KCNMB2: variants seen among roughly 807,000 people sequenced by gnomAD.
KCNMB2 encodes calcium-activated potassium channel subunit beta-2.
A neutral mutation model predicts 24.5 loss-of-function variants in KCNMB2; 9 were observed. That is an observed-to-expected ratio of 0.37 (90% confidence interval 0.22 to 0.64). The LOEUF (loss-of-function observed/expected upper bound fraction) is 0.64, where lower values mean the gene tolerates loss of function less well. KCNMB2 is among the 30% of genes least tolerant of loss of function. KCNMB2 has a pLI of 0.63. For synonymous variants in KCNMB2, 109 were observed against 104.4 expected, an observed-to-expected ratio of 1.04 and a Z score of -0.27; for missense variants, 226 against 284.3, an observed-to-expected ratio of 0.79 and a Z score of 1.47.
intron 1 of KCNMB2, among the ~76,000 whole-genome samples, chr3:178,790,068 C>T (rs1225669780): frequency 6.6e-6 from 1 of 151,748 alleles, no homozygotes; most frequent in African/African-American, 2.4e-5. Context: ...GATACCAGCC[C>T]AACCACAGTG....
At chr3:178,635,914 G>T (rs574418520) in intron 1 of KCNMB2, among the ~76,000 whole-genome samples, 23 of 152,226 alleles carry the variant, frequency 1.5e-4, no homozygotes, top group Middle Eastern at 3.4e-3. Context: ...AAACAAAATG[G>T]TTATTAACCA....
intron 1 of KCNMB2, among the ~76,000 whole-genome samples, chr3:178,693,397 ACT>A (rs1721754429): frequency 6.6e-6 from 1 of 151,754 alleles, no homozygotes; most frequent in East Asian, 1.9e-4. Context: ...TGTTTATATG[ACT>A]CTTATAATTT....
intron 1 of KCNMB2, among the ~76,000 whole-genome samples, chr3:178,670,503 G>C (rs1228598595): frequency 6.6e-5 from 10 of 152,110 alleles, no homozygotes; most frequent in Non-Finnish European, 1.2e-4. Context: ...TTATTGTATT[G>C]ATGTTAAGCA....
At chr3:178,807,773 T>C (rs1714033273) in intron 2 of KCNMB2, among the ~76,000 whole-genome samples, 1 of 152,154 alleles carries the variant, frequency 6.6e-6, no homozygotes, top group African/African-American at 2.4e-5. Context: ...CATCATCTTC[T>C]TTAACCAAAC....
At chr3:178,709,648 A>T (rs1192312728) in intron 1 of KCNMB2, among the ~76,000 whole-genome samples, 1 of 152,222 alleles carries the variant, frequency 6.6e-6, no homozygotes, top group Non-Finnish European at 1.5e-5. Context: ...AATTTTGTTC[A>T]TTCAGTTAAG....
intron 2 of KCNMB2, among the ~76,000 whole-genome samples, chr3:178,820,969 G>T (rs1430111063): frequency 6.6e-6 from 1 of 152,092 alleles, no homozygotes. Flanking sequence ...ATGGTGCTTT[G>T]CCAGGACACA....
intron 1 of KCNMB2, among the ~76,000 whole-genome samples, chr3:178,805,098 A>G (rs1713912885): frequency 6.6e-6 from 1 of 152,238 alleles, no homozygotes; most frequent in African/African-American, 2.4e-5. Context: ...TAGGGCATCC[A>G]TTCAGGTGAA....
intron 2 of KCNMB2, among the ~76,000 whole-genome samples, chr3:178,811,535 G>A (rs1036798525): frequency 6.6e-6 from 1 of 152,078 alleles, no homozygotes; most frequent in South Asian, 2.1e-4. Context: ...CAATGCTGGC[G>A]TGAGTCGCTG....
At chr3:178,712,874 TG>T (rs1269764697) in intron 1 of KCNMB2, among the ~76,000 whole-genome samples, 31 of 152,308 alleles carry the variant, frequency 2.0e-4, no homozygotes, top group Non-Finnish European at 4.4e-4. Context: ...ATCTGTGAAT[TG>T]GGAATACTAG....
intron 1 of KCNMB2, among the ~76,000 whole-genome samples, chr3:178,572,169 G>C (rs1397402916): frequency 6.6e-6 from 1 of 152,182 alleles, no homozygotes; most frequent in Admixed American, 6.5e-5. Context: ...AAAGAAGGGT[G>C]GTTGGTCAAT....
At chr3:178,838,054 T>A (rs1165685379) in intron 4 of KCNMB2, among the ~76,000 whole-genome samples, 1 of 152,198 alleles carries the variant, frequency 6.6e-6, no homozygotes, top group Non-Finnish European at 1.5e-5. Context: ...GCATTCATAA[T>A]CTAAATTGGC....
intron 1 of KCNMB2, among the ~76,000 whole-genome samples, chr3:178,732,493 C>T (rs149534150): frequency 5.5e-4 from 83 of 152,168 alleles, no homozygotes; most frequent in Non-Finnish European, 9.6e-4. Flanking sequence ...TTTTTATGGT[C>T]TATTTAGTGT....
At chr3:178,760,258 A>AGATATAT (rs1491179130) in intron 1 of KCNMB2, among the ~76,000 whole-genome samples, 1 of 84,624 alleles carries the variant, frequency 1.2e-5, no homozygotes, top group Non-Finnish European at 2.2e-5. Flanking sequence ...ATCTATATAT[A>AGATATAT]GATATATCCA....
At chr3:178,572,967 T>A (rs576470692) in intron 1 of KCNMB2, among the ~76,000 whole-genome samples, 2 of 152,292 alleles carry the variant, frequency 1.3e-5, no homozygotes, top group South Asian at 4.1e-4. Context: ...TGTAGTAGGT[T>A]CTCCAGAAAC....
chr3:178,775,219 T>C (rs1315474463), intron 1 of KCNMB2, among the ~76,000 whole-genome samples: 1 of 152,198 alleles, frequency 6.6e-6, no homozygotes, highest in Non-Finnish European at 1.5e-5. Flanking sequence ...AATCATAAAT[T>C]ACATTTTTTT....
intron 3 of KCNMB2, 63 bp downstream of exon 3, chr3:178,825,821 TAGGCAAC>T (rs1714812148): frequency 3.7e-6 from 5 of 1,347,078 alleles, no homozygotes; most frequent in Non-Finnish European, 5.2e-6. Context: ...CCCCATCACT[TAGGCAAC>T]CCTAAGGTCA....
chr3:178,679,927 T>C (rs544958852), intron 1 of KCNMB2, among the ~76,000 whole-genome samples: 2 of 152,124 alleles, frequency 1.3e-5, no homozygotes, highest in Admixed American at 6.5e-5. Flanking sequence ...CACAAAGTGC[T>C]CTGTCCTCAG....
At chr3:178,676,785 ACACT>A (rs1721084476) in intron 1 of KCNMB2, among the ~76,000 whole-genome samples, 1 of 152,192 alleles carries the variant, frequency 6.6e-6, no homozygotes, top group African/African-American at 2.4e-5. Context: ...GTTTTGCCTG[ACACT>A]CACTTATTCC....
chr3:178,722,465 G>T (rs1304437890), intron 1 of KCNMB2, among the ~76,000 whole-genome samples: 1 of 152,166 alleles, frequency 6.6e-6, no homozygotes, highest in Non-Finnish European at 1.5e-5. Flanking sequence ...GGGTGAGAGA[G>T]GATAAGAAAG....
Sources: gnomAD v4.1 joint callset for allele counts (sites outside exome capture counted in the v4.1 genomes callset) on GRCh38, gnomAD v4.1.1 for gene constraint, MANE v1.5 for transcripts, NCBI Gene and HGNC (gene_info 2026-07-23, HGNC 2026-07-21) for gene names.